The following DENND1A variants were observed in gnomAD, a reference collection of about 807,000 sequenced individuals.
DENND1A encodes the protein DENN domain containing 1A, also known as DENN domain-containing protein 1A.
DENND1A carries 51 observed loss-of-function variants against 113.7 expected under a neutral mutation model. The ratio of observed to expected loss-of-function variants is 0.45; its 90% CI spans 0.36 to 0.57. DENND1A has a LOEUF of 0.57. Among genes scored for constraint, DENND1A ranks in the 20% least tolerant of loss-of-function variants. DENND1A has a pLI of 0.00. For missense variants in DENND1A, 1,258 were observed against 1,395.9 expected (o/e 0.90, Z 1.57); for synonymous variants, 565 against 570.8 (o/e 0.99, Z 0.14).
intron 5 of DENND1A, among the ~76,000 whole-genome samples, chr9:123,703,575 GAAGA>G (rs1425860282): frequency 3.3e-5 from 5 of 152,018 alleles, no homozygotes; most frequent in Admixed American, 6.5e-5. Context: ...AGTAAGAGAG[GAAGA>G]AAGAAAGGAC....
chr9:123,568,277 C>G (rs1010820859), intron 12 of DENND1A, among the ~76,000 whole-genome samples: 3 of 152,194 alleles, frequency 2.0e-5, no homozygotes, highest in Non-Finnish European at 4.4e-5. Context: ...TGCCTCTAGG[C>G]AAGTTACTTG....
At chr9:123,889,389 T>C (rs1346092409) in intron 1 of DENND1A, among the ~76,000 whole-genome samples, 4 of 152,194 alleles carry the variant, frequency 2.6e-5, no homozygotes, top group Admixed American at 2.0e-4. Flanking sequence ...TCACGTATCA[T>C]ATAAAAATAA....
At chr9:123,896,577 C>T (rs1383112193) in intron 1 of DENND1A, among the ~76,000 whole-genome samples, 1 of 152,140 alleles carries the variant, frequency 6.6e-6, no homozygotes, top group Admixed American at 6.5e-5. Flanking sequence ...GACCTTCAGA[C>T]TTCAGGTATT....
intron 2 of DENND1A, among the ~76,000 whole-genome samples, chr9:123,799,742 T>G (rs1385513942): frequency 6.6e-6 from 1 of 152,110 alleles, no homozygotes; most frequent in East Asian, 1.9e-4. Context: ...ATATTTGGAG[T>G]GTAATAGAAT....
At chr9:123,555,074 T>G (rs991449027) in intron 13 of DENND1A, among the ~76,000 whole-genome samples, 7 of 152,218 alleles carry the variant, frequency 4.6e-5, no homozygotes, top group African/African-American at 1.4e-4. Flanking sequence ...GTCTTCATCC[T>G]CTCCTAGGCT....
At position 123,381,366 on chromosome 9, in the gene DENND1A, G is replaced by T; in HGVS notation, c.*66C>A. 1 of 1,423,924 alleles carries T rather than the reference G, an allele frequency of 7.0e-7. No homozygotes were observed. The highest frequency in any genetic ancestry group is 9.5e-7 in the Non-Finnish European group (1 of 1,054,388). 88.2% of individuals were successfully genotyped at this position (1,423,924 alleles called of 1,614,324 possible). A position where few individuals can be genotyped will look rare whatever the true frequency, so the allele number is the denominator to read the frequency against. On this transcript the variant is annotated 3_prime_UTR_variant, in exon 24 of 24. Coordinates refer to ENST00000394215, the MANE Select transcript of DENND1A (RefSeq NM_001352964.2). This position sits in a 1 kb window ranked among gnomAD's most constrained non-coding sequence, Gnocchi z 4.7. ...TGGGCAGAGAGAGAGTGGCGGGGGA[G>T]CCTCGGAACCGCAGCAGTGGACGGA...
chr9:123,711,075 ATAAGT>A (rs1197976393), intron 5 of DENND1A, among the ~76,000 whole-genome samples: 1 of 152,206 alleles, frequency 6.6e-6, no homozygotes, highest in Non-Finnish European at 1.5e-5. Flanking sequence ...CATTATATTG[ATAAGT>A]TAAATAGCTT....
At chr9:123,734,319 C>T (rs1238538954) in intron 5 of DENND1A, among the ~76,000 whole-genome samples, 2 of 152,194 alleles carry the variant, frequency 1.3e-5, no homozygotes, top group South Asian at 4.1e-4. Context: ...TTAAAATACA[C>T]AGATGACTAC....
chr9:123,915,591 G>A, intron 1 of DENND1A, among the ~76,000 whole-genome samples: 1 of 152,138 alleles, frequency 6.6e-6, no homozygotes, highest in East Asian at 1.9e-4. Context: ...TAAAATATCA[G>A]ATGAGTAGAA....
Position 123,878,554 on chromosome 9 carries a change from A to T in DENND1A, c.88+397T>A, listed in dbSNP as rs547235514. On this transcript the variant is annotated intron_variant, in intron 2 of 23. Coordinates refer to ENST00000394215, the MANE Select transcript of DENND1A (RefSeq NM_001352964.2). ...AAGCATCTCCTTCTAGATTAGTGGC[A>T]GAGAATTTCCTTTATATTATTTTGT... Among the ~76,000 whole-genome samples, 3 of 152,332 alleles carry T rather than the reference A, an allele frequency of 2.0e-5. No individual in the cohort carries two copies. The South Asian group carries it at 6.2e-4, about 32-fold the overall frequency.
intron 2 of DENND1A, among the ~76,000 whole-genome samples, chr9:123,827,274 G>A (rs894274948): frequency 8.6e-5 from 13 of 151,690 alleles, no homozygotes; most frequent in African/African-American, 3.2e-4. Flanking sequence ...TAATGTCAGG[G>A]TACTTGTTAG....
intron 13 of DENND1A, among the ~76,000 whole-genome samples, chr9:123,535,159 C>T (rs1222255743): frequency 6.6e-6 from 1 of 152,204 alleles, no homozygotes; most frequent in Non-Finnish European, 1.5e-5. Context: ...ACCTGACGTT[C>T]ACTCTGTTGT....
chr9:123,676,569 T>C, intron 6 of DENND1A, 151 bp downstream of exon 6: 1 of 633,420 alleles, frequency 1.6e-6, no homozygotes, highest in Non-Finnish European at 2.6e-6. Context: ...AAAAGTGATT[T>C]TCTTTTCCTT....
At chr9:123,907,260 TG>T (rs1853028330) in intron 1 of DENND1A, among the ~76,000 whole-genome samples, 1 of 139,588 alleles carries the variant, frequency 7.2e-6, no homozygotes, top group Non-Finnish European at 1.6e-5. Flanking sequence ...TCATACTGAA[TG>T]GGCAAAAACT....
intron 9 of DENND1A, among the ~76,000 whole-genome samples, chr9:123,650,231 A>C (rs969243968): frequency 6.6e-6 from 1 of 152,210 alleles, no homozygotes; most frequent in African/African-American, 2.4e-5. Context: ...CAAGAGGTCT[A>C]CTATAGGCTA....
At chr9:123,564,992 T>TTTTC (rs2057972246) in intron 12 of DENND1A, among the ~76,000 whole-genome samples, 1 of 143,556 alleles carries the variant, frequency 7.0e-6, no homozygotes, top group African/African-American at 2.6e-5. Flanking sequence ...TTTTTTTTTT[T>TTTTC]TTTTTTTTTT....
rs114677204 is a variant in DENND1A, at chr9:123,506,098, T to C, written c.994-48201A>G. 4.4e-3 allele frequency among the ~76,000 whole-genome samples: 674 copies of C among 152,288 alleles called. 4 individuals are homozygous for C. Among genetic ancestry groups the C allele is most frequent in the African/African-American group, 0.015 (641 of 41,560 alleles). On this transcript the variant is annotated intron_variant, in intron 13 of 23. Coordinates refer to ENST00000394215, the MANE Select transcript of DENND1A (RefSeq NM_001352964.2). ...GCAAGGACTTTGGAGCTAGACATTTTGCATTACAATTCTGACCTTAATGCT... is the reference window on the plus strand; with the variant it reads ...GCAAGGACTTTGGAGCTAGACATTTCGCATTACAATTCTGACCTTAATGCT...
intron 12 of DENND1A, among the ~76,000 whole-genome samples, chr9:123,572,642 C>G (rs1180995738): frequency 6.6e-6 from 1 of 152,070 alleles, no homozygotes; most frequent in Non-Finnish European, 1.5e-5. Context: ...TTTAATTGAG[C>G]TATCTTCTTG....
chr9:123,492,243 A>T (rs1187193722), intron 13 of DENND1A: 1 of 152,542 alleles, frequency 6.6e-6, no homozygotes, highest in Non-Finnish European at 1.5e-5. Flanking sequence ...AGGTGTCAGG[A>T]CAGAGGCTTG....
Sources: gnomAD v4.1 joint callset for allele counts (sites outside exome capture counted in the v4.1 genomes callset) on GRCh38, gnomAD v4.1.1 for gene constraint, Gnocchi (gnomAD v3.1) non-coding constraint, MANE v1.5 for transcripts, NCBI Gene and HGNC (gene_info 2026-07-23, HGNC 2026-07-21) for gene names.